NRCAM: variants seen among roughly 807,000 people sequenced by gnomAD.
NRCAM encodes the protein NgCAM-related cell adhesion molecule.
In NRCAM, 83 loss-of-function variants were observed where a neutral mutation model predicts 156.5. That is an observed-to-expected ratio of 0.53 (90% CI 0.44 to 0.64). The LOEUF (loss-of-function observed/expected upper bound fraction) is 0.64. Ranked by LOEUF, NRCAM falls within the 30% of genes least tolerant of loss-of-function variation. The pLI is 0.00. For missense variants in NRCAM, 1,417 were observed against 1,597.3 expected (o/e 0.89, Z 1.92); for synonymous variants, 538 against 563.9 (o/e 0.95, Z 0.65).
intron 3 of NRCAM, among the ~76,000 whole-genome samples, chr7:108,274,414 C>T (rs6970634): frequency 0.084 from 12,762 of 152,070 alleles, 822 homozygotes; most frequent in African/African-American, 0.17. Context: ...TTTTATTTCA[C>T]TGAGGAGTGG....
chr7:108,387,886 A>C (rs1332230537), intron 2 of NRCAM, among the ~76,000 whole-genome samples: 1 of 151,966 alleles, frequency 6.6e-6, no homozygotes, highest in African/African-American at 2.4e-5. Context: ...AAGGACATAA[A>C]CTCATCCTTT....
rs2040283203 is a variant in NRCAM at position 108,149,959 on chromosome 7, T to C, written c.3866A>G (p.Glu1289Gly). 1 of 1,613,880 alleles carries C rather than the reference T, an allele frequency of 6.2e-7. No individual in the cohort carries two copies. Among genetic ancestry groups the C allele is most frequent in the Non-Finnish European group, 8.5e-7 (1 of 1,179,916 alleles). Reference sequence around the variant, plus strand: ...GACAGGAGAAGGTGCCTCTGAGCTTTCGTTTCCTTCAGCCGGCTCTTTCTC... The same window carrying C: ...GACAGGAGAAGGTGCCTCTGAGCTTCCGTTTCCTTCAGCCGGCTCTTTCTC... Reference protein sequence around the residue: ...KKEKEPAEGNESSEAPSPVNA... With the variant: ...KKEKEPAEGNGSSEAPSPVNA... Residue 1289 changes from glutamate (E) to glycine (G), a missense_variant, in exon 33 of 33, where the codon GAA (glutamate) becomes GGA (glycine). Coordinates refer to ENST00000379028, the MANE Select transcript of NRCAM (RefSeq NM_001037132.4).
intron 2 of NRCAM, among the ~76,000 whole-genome samples, chr7:108,364,422 T>C (rs1054671330): frequency 6.6e-6 from 1 of 152,164 alleles, no homozygotes; most frequent in African/African-American, 2.4e-5. Context: ...TAAAATGGTA[T>C]AGGCACTTTG....
chr7:108,198,430 G>A (rs2076259451), intron 13 of NRCAM, among the ~76,000 whole-genome samples: 1 of 151,716 alleles, frequency 6.6e-6, no homozygotes, highest in South Asian at 2.1e-4. Flanking sequence ...TAGGGTACAT[G>A]TGCACAATGT....
chr7:108,375,466 T>C (rs568994529), intron 2 of NRCAM, among the ~76,000 whole-genome samples: 9 of 152,124 alleles, frequency 5.9e-5, no homozygotes, highest in African/African-American at 1.2e-4. Context: ...CATTTCCTAG[T>C]TGTTTGACCT....
intron 1 of NRCAM, among the ~76,000 whole-genome samples, chr7:108,430,436 C>T (rs192857176): frequency 1.7e-4 from 26 of 152,062 alleles, no homozygotes; most frequent in African/African-American, 6.3e-4. Context: ...CAGGGATCTC[C>T]CGATAGATTA....
chr7:108,307,095 T>C (rs2098726943), intron 3 of NRCAM, among the ~76,000 whole-genome samples: 1 of 152,150 alleles, frequency 6.6e-6, no homozygotes, highest in African/African-American at 2.4e-5. Flanking sequence ...TGTCAGATGA[T>C]AATATGTCTG....
intron 3 of NRCAM, among the ~76,000 whole-genome samples, chr7:108,265,860 A>G (rs992888480): frequency 1.3e-5 from 2 of 152,208 alleles, no homozygotes; most frequent in Admixed American, 1.3e-4. Flanking sequence ...CTTATTTGCC[A>G]TACCATTTAC....
chr7:108,158,145 G>T (rs2046662914), intron 32 of NRCAM, among the ~76,000 whole-genome samples: 1 of 152,130 alleles, frequency 6.6e-6, no homozygotes, highest in African/African-American at 2.4e-5. Context: ...AACCCTCTTG[G>T]GTGAACTGGG....
At chr7:108,313,779 TA>T (rs1307645728) in intron 2 of NRCAM, among the ~76,000 whole-genome samples, 3 of 152,188 alleles carry the variant, frequency 2.0e-5, no homozygotes, top group Admixed American at 6.5e-5. Context: ...ACCAATTTTA[TA>T]GTAATATTGT....
intron 32 of NRCAM, chr7:108,156,535 A>G (rs767608288): frequency 2.9e-6 from 1 of 349,552 alleles, no homozygotes; most frequent in Non-Finnish European, 4.0e-6. Flanking sequence ...GTAGGGGCAC[A>G]GGGTTATAGC....
At chr7:108,418,267 T>G (rs1804275386) in intron 1 of NRCAM, among the ~76,000 whole-genome samples, 1 of 152,074 alleles carries the variant, frequency 6.6e-6, no homozygotes, top group Non-Finnish European at 1.5e-5. Flanking sequence ...GTAGAGATTC[T>G]CTCACCAAAC....
intron 6 of NRCAM, among the ~76,000 whole-genome samples, chr7:108,232,939 G>A (rs1020080641): frequency 3.3e-5 from 5 of 152,112 alleles, no homozygotes; most frequent in Non-Finnish European, 5.9e-5. Flanking sequence ...ACCTCTGCAA[G>A]TACTATTTAT....
chr7:108,343,709 C>A (rs1405923261), intron 2 of NRCAM, among the ~76,000 whole-genome samples: 1 of 152,184 alleles, frequency 6.6e-6, no homozygotes, highest in African/African-American at 2.4e-5. Context: ...CTTCATCAAA[C>A]CTTTCACTTA....
chr7:108,166,843 AG>A lies in NRCAM; in HGVS notation c.3466+77del. On this transcript the variant is annotated intron_variant, in intron 30 of 32. Transcript: ENST00000379028. ...GCCCTACCCATAACACAGCTCCACC[AG>A]CCCCCATCTCCAGCTGGAGCACCTG... The A allele has an allele frequency of 5.1e-6, 7 of 1,375,320 alleles. No homozygotes were observed. In the Middle Eastern group the frequency reaches 1.4e-3, roughly 268 times the overall value. 85.2% of individuals were successfully genotyped at this position (1,375,320 alleles called of 1,614,324 possible).
intron 1 of NRCAM, among the ~76,000 whole-genome samples, chr7:108,424,003 C>A (rs1813722210): frequency 6.6e-6 from 1 of 152,252 alleles, no homozygotes. Flanking sequence ...ATGTGCTTCT[C>A]CCTCTCTTCC....
chr7:108,205,866 G>C (rs2080883247), intron 13 of NRCAM, among the ~76,000 whole-genome samples: 1 of 152,122 alleles, frequency 6.6e-6, no homozygotes, highest in Non-Finnish European at 1.5e-5. Context: ...TGGGATTACA[G>C]GCTCACATGA....
At chr7:108,150,733 GAAGA>G in intron 32 of NRCAM, 1 of 533,824 alleles carries the variant, frequency 1.9e-6, no homozygotes. Flanking sequence ...AAAGGATGCA[GAAGA>G]AACAAATGAA....
At chr7:108,253,940 C>CA (rs1177091895) in intron 3 of NRCAM, among the ~76,000 whole-genome samples, 2 of 152,172 alleles carry the variant, frequency 1.3e-5, no homozygotes, top group Non-Finnish European at 2.9e-5. Flanking sequence ...ATCACTACCC[C>CA]AACCACGAAA....
Sources: allele counts gnomAD v4.1 joint callset (sites outside exome capture counted in the v4.1 genomes callset), GRCh38; gene constraint gnomAD v4.1.1; transcripts MANE v1.5; gene names NCBI Gene and HGNC (gene_info 2026-07-23, HGNC 2026-07-21).